HK3: variants seen among roughly 807,000 people sequenced by gnomAD.
HK3 encodes hexokinase-3.
A neutral mutation model predicts 91.0 loss-of-function variants in HK3; 93 were observed. The observed-to-expected ratio is 1.02, with a 90% CI of 0.86 to 1.21. The LOEUF (loss-of-function observed/expected upper bound fraction) is 1.21. HK3 is among the 50% of genes most tolerant of loss of function. HK3 has a pLI of 0.00. For synonymous variants in HK3, 519 were observed against 516.9 expected (o/e 1.00, Z -0.06); for missense variants, 1,235 against 1,247.4 (o/e 0.99, Z 0.15).
At position 176,888,405 on chromosome 5, in the gene HK3, G is replaced by C; in HGVS notation, c.1231C>G (p.Gln411Glu). The change falls in exon 10 of 19, where the codon CAG becomes GAG. Residue 411 changes from glutamine (Q) to glutamate (E), a missense_variant. Physicochemically the swap from Gln to Glu is conservative, Grantham distance 29. Transcript: ENST00000292432. ...AGTGTTTGTTGCTCCCGGCTGTGCTGGAGGCAGGAGAGAACAGCGGCCAGG... is the reference window on the plus strand; with the variant it reads ...AGTGTTTGTTGCTCCCGGCTGTGCTCGAGGCAGGAGAGAACAGCGGCCAGG... ...AALAAVLSCLQHSREQQTLQV... is the reference protein window; with the variant it reads ...AALAAVLSCLEHSREQQTLQV... 6.4e-7 allele frequency: 1 copy of C among 1,563,202 alleles called. No individual in the cohort carries two copies. The highest frequency in any genetic ancestry group is 8.7e-7 in the Non-Finnish European group (1 of 1,153,068).
intron 1 of HK3, among the ~76,000 whole-genome samples, chr5:176,898,734 C>G (rs1758967145): frequency 6.6e-6 from 1 of 152,200 alleles, no homozygotes; most frequent in African/African-American, 2.4e-5. Context: ...GTCTGTTTGC[C>G]TAAGGGCCCC....
chr5:176,896,211 G>T, intron 1 of HK3, 26 bp from the exon 2 acceptor site: 4 of 1,390,278 alleles, frequency 2.9e-6, no homozygotes, highest in Non-Finnish European at 4.0e-6. Flanking sequence ...GACAACCTGG[G>T]TCAACCATTT....
At position 176,880,893 on chromosome 5, in the gene HK3, T is replaced by A. The variant is rs1758405568; in HGVS notation, c.*180A>T. The A allele has an allele frequency of 1.7e-6, 1 of 593,822 alleles. No homozygotes were observed. The highest frequency in any genetic ancestry group is 1.9e-5 in the African/African-American group (1 of 53,576). The allele number at this position is 593,822 out of a possible 1,614,324, so 36.8% of individuals were successfully genotyped here. ...ATGTAAATAAATTATATATATATAT[T>A]GCTAACCTGAGTGCTACTTCTCTCA... is the stretch of plus-strand genomic sequence containing the variant. On this transcript the variant is annotated 3_prime_UTR_variant, in exon 19 of 19. Transcript: ENST00000292432.
intron 2 of HK3, among the ~76,000 whole-genome samples, chr5:176,895,232 C>A (rs1262955860): frequency 2.6e-5 from 4 of 152,028 alleles, no homozygotes; most frequent in Non-Finnish European, 4.4e-5. Flanking sequence ...GCATGTGCCA[C>A]CATGCCGGCT....
chr5:176,887,630 G>T lies in HK3; in HGVS notation c.1421C>A (p.Ala474Asp). Residue 474 changes from alanine to aspartate, a missense_variant, in exon 11 of 19, where the codon GCC becomes GAC. Coordinates refer to ENST00000292432, the MANE Select transcript of HK3 (RefSeq NM_002115.3). The surrounding 1 kb of genome is among the most constrained non-coding windows in gnomAD (Gnocchi z 4.9). ...CAGGCGCCGGTGGGCAGCCAGACGG[G>T]CAGCCACGGCAGTCACCATCGCCAC... ...RGVAMVTAVA[A>D]RLAAHRRLLE... The T allele has an allele frequency of 6.2e-7, 1 of 1,613,522 alleles. No individual in the cohort carries two copies. Among genetic ancestry groups the T allele is most frequent in the Non-Finnish European group, 8.5e-7 (1 of 1,179,906 alleles).
In HK3 at chr5:176,881,934, C is replaced by T. The variant is rs1252211341; in HGVS notation, c.2237+10G>A. On this transcript the variant is annotated intron_variant, in intron 16 of 18. Transcript: ENST00000292432. ...ACAGCCAGCCACCACTGCCTGGGCC[C>T]AGCCCACACCTCTGCTTGCCGGGGT... 1.2e-6 allele frequency: 2 copies of T among 1,613,390 alleles called. No individual in the cohort carries two copies. Among genetic ancestry groups the T allele is most frequent in the Non-Finnish European group, 1.7e-6 (2 of 1,179,652 alleles).
chr5:176,891,607 C>T, intron 2 of HK3, 57 bp from the exon 3 acceptor site: 1 of 1,550,800 alleles, frequency 6.4e-7, no homozygotes, highest in Non-Finnish European at 8.7e-7. Flanking sequence ...GCCAGACTCC[C>T]CACCTCCAAA....
Position 176,881,506 on chromosome 5 carries a change from G to T in HK3, c.2423C>A (p.Ala808Asp). The change falls in exon 18 of 19, where the codon GCC (alanine) becomes GAC (aspartate). Residue 808 changes from alanine (A) to aspartate (D), a missense_variant. Physicochemically the swap from Ala to Asp is moderately radical, Grantham distance 126. Around this residue, in one of 3 missense-constraint regions of HK3, gnomAD observed 513 missense variants for 477.4 expected, o/e 1.07. Coordinates refer to ENST00000292432, the MANE Select transcript of HK3 (RefSeq NM_002115.3). ...GGGTAGCCCCAGATCCTCTAGGATG[G>T]CTCGGACCTGCCGCAGGGCCAGGCT... ...SDSLALRQVR[A>D]ILEDLGLPLT... The T allele has an allele frequency of 1.2e-6, 2 of 1,604,390 alleles. No individual in the cohort carries two copies. Among genetic ancestry groups the T allele is most frequent in the African/African-American group, 1.3e-5 (1 of 75,008 alleles).
intron 8 of HK3, 99 bp from the exon 9 acceptor site, chr5:176,888,963 G>A (rs1758683744): frequency 2.1e-6 from 3 of 1,412,986 alleles, no homozygotes; most frequent in Non-Finnish European, 2.8e-6. Flanking sequence ...TTTTCTTTGG[G>A]GCTCCCAAAC....
At position 176,891,039 on chromosome 5, in the gene HK3, G is replaced by A; in HGVS notation, c.412C>T (p.Gln138Ter). Residue 138 changes from glutamine (Q) to a stop codon, truncating the protein, a stop_gained and splice_region_variant, in exon 4 of 19, where the codon CAG (glutamine) becomes TAG (stop). Coordinates refer to ENST00000292432, the MANE Select transcript of HK3 (RefSeq NM_002115.3). LOFTEE classifies it high-confidence loss of function. ...PQEVMLGAGQ[Q>*]LFDFAAHCLS... is the part of the protein sequence containing the mutation. ...GAGGCTGGGCAGTGAGTGCTTACCT[G>A]CTGGCCAGCACCCAGCATCACCTCT... 5.6e-6 allele frequency: 9 copies of A among 1,613,960 alleles called. No homozygotes were observed. Among genetic ancestry groups the A allele is most frequent in the Non-Finnish European group, 7.6e-6 (9 of 1,180,000 alleles).
chr5:176,897,125 C>G (rs1283014601), intron 1 of HK3, among the ~76,000 whole-genome samples: 1 of 152,180 alleles, frequency 6.6e-6, no homozygotes, highest in African/African-American at 2.4e-5. Context: ...AGCAAAGGAA[C>G]TTGCTCAGAT....
rs778250236 is a variant in HK3 at position 176,884,070 on chromosome 5, C to G, written c.1922G>C (p.Ser641Thr). Residue 641 changes from serine to threonine, a missense_variant, in exon 14 of 19, where the codon AGT becomes ACT. Around this residue, in one of 3 missense-constraint regions of HK3, gnomAD observed 513 missense variants for 477.4 expected, o/e 1.07. Transcript: ENST00000292432. This position sits in a 1 kb window ranked among gnomAD's most constrained non-coding sequence, Gnocchi z 4.1. ...GCGAGTGATGGCTTCCCGCAACAGA[C>G]TCACGACATCTTGGCCCTCGCAGTC... is the stretch of plus-strand genomic sequence containing the variant. ...ASDCEGQDVV[S>T]LLREAITRRQ... 9.3e-6 allele frequency: 15 copies of G among 1,614,188 alleles called. No homozygotes were observed. The South Asian group carries it at 1.6e-4, about 18-fold the overall frequency.
intron 9 of HK3, 51 bp from the exon 10 acceptor site, chr5:176,888,616 C>T (rs779226062): frequency 1.2e-6 from 2 of 1,607,602 alleles, no homozygotes; most frequent in East Asian, 4.5e-5. Flanking sequence ...GCTCCCCATC[C>T]CACTAAAGCC....
In HK3 at chr5:176,894,322, G is replaced by A. The variant is rs141263097; in HGVS notation, c.96+1742C>T. Among the ~76,000 whole-genome samples the A allele has an allele frequency of 5.1e-3, 783 of 152,302 alleles. 8 individuals carry two copies. Among genetic ancestry groups the A allele is most frequent in the African/African-American group, 0.015 (641 of 41,544 alleles). On this transcript the variant is annotated intron_variant, in intron 2 of 18. Coordinates refer to ENST00000292432, the MANE Select transcript of HK3 (RefSeq NM_002115.3). ...AGGGGAGCACAGGGTAAGGCCTGTG[G>A]TGCTGAGTTGGGGGTCCAGGACCAT...
chr5:176,881,607 C>T (rs1174497671), intron 17 of HK3, 72 bp from the exon 18 acceptor site: 2 of 1,591,206 alleles, frequency 1.3e-6, no homozygotes, highest in South Asian at 2.2e-5. Context: ...CCAGAGCAGA[C>T]CTCGTCACCA....
Position 176,887,316 on chromosome 5 carries a change from A to C in HK3, c.1622T>G (p.Leu541Arg). 6.8e-6 allele frequency: 11 copies of C among 1,613,988 alleles called. No homozygotes were observed. The South Asian group carries it at 1.2e-4, about 18-fold the overall frequency. ...DGSERGDFLALDLGGTNFRVL... is the reference protein window; with the variant it reads ...DGSERGDFLARDLGGTNFRVL... ...ACGGAAGTTCGTGCCCCCGAGGTCC[A>C]GGGCCAGGAAATCCCCTCGCTCTGT... The change falls in exon 12 of 19, where the codon CTG becomes CGG. Residue 541 changes from leucine (L) to arginine (R), a missense_variant. By Grantham distance (102) the Leu-to-Arg change is moderately radical. This residue lies in a region of HK3 where 717 missense variants were observed against 751.6 expected (regional missense o/e 0.95). Transcript: ENST00000292432. This position sits in a 1 kb window ranked among gnomAD's most constrained non-coding sequence, Gnocchi z 4.9.
rs541723290 is a variant in HK3, at chr5:176,884,637, A to G, written c.1858-503T>C. Among the ~76,000 whole-genome samples the G allele has an allele frequency of 1.3e-5, 2 of 152,356 alleles. No homozygotes were observed. Among genetic ancestry groups the G allele is most frequent in the East Asian group, 3.9e-4 (2 of 5,190 alleles). ...ACTCATGTGTTCCAAATGCAGGGGCAGGAGGAATGGAAAAGCCAGAACCCA... is the reference window on the plus strand; with the variant it reads ...ACTCATGTGTTCCAAATGCAGGGGCGGGAGGAATGGAAAAGCCAGAACCCA... On this transcript the variant is annotated intron_variant, in intron 13 of 18. Coordinates refer to ENST00000292432, the MANE Select transcript of HK3 (RefSeq NM_002115.3). This position sits in a 1 kb window ranked among gnomAD's most constrained non-coding sequence, Gnocchi z 4.1.
At chr5:176,883,283 C>T (rs897165793) in intron 15 of HK3, among the ~76,000 whole-genome samples, 3 of 152,144 alleles carry the variant, frequency 2.0e-5, no homozygotes, top group Admixed American at 1.3e-4. Flanking sequence ...CTGAAGGACC[C>T]TCATTGCTCA....
chr5:176,893,260 G>A (rs1581303014), intron 2 of HK3, among the ~76,000 whole-genome samples: 1 of 152,298 alleles, frequency 6.6e-6, no homozygotes, highest in Middle Eastern at 3.4e-3. Flanking sequence ...ATGTTTCTAT[G>A]TCAATGTGAA....
Sources: gnomAD v4.1 joint callset for allele counts (sites outside exome capture counted in the v4.1 genomes callset) on GRCh38, gnomAD v4.1.1 for gene constraint, gnomAD v4.1.1 regional missense constraint, Gnocchi (gnomAD v3.1) non-coding constraint, MANE v1.5 for transcripts, NCBI Gene and HGNC (gene_info 2026-07-23, HGNC 2026-07-21) for gene names.